Variants in GLT1D1 observed in about 807,000 individuals in gnomAD.
The protein encoded by GLT1D1 is glycosyltransferase 1 domain containing 1.
GLT1D1 carries 21 observed loss-of-function variants against 28.7 expected under a neutral mutation model. The observed-to-expected ratio is 0.73, with a 90% CI of 0.52 to 1.05. GLT1D1 has a LOEUF of 1.05. Ranked by LOEUF, GLT1D1 falls within the 50% of genes least tolerant of loss-of-function variation. The probability of loss-of-function intolerance (pLI) is 0.00; values close to 1 mark genes in which losing one functional copy is unlikely to be tolerated. For missense variants in GLT1D1, 343 were observed against 330.6 expected (o/e 1.04, Z -0.29); for synonymous variants, 147 against 124.8 (o/e 1.18, Z -1.19).
rs368150543 is a variant in GLT1D1, at chr12:128,915,992, G to C, written c.375+16705G>C. On this transcript the variant is annotated intron_variant, in intron 4 of 7. Transcript: ENST00000281703. ...GATAGATAACATTTCCACCACTCAA[G>C]AAAGTTCTCTCATGCCCTCTTCCAT... is the stretch of plus-strand genomic sequence containing the variant. 1.6e-4 allele frequency among the ~76,000 whole-genome samples: 24 copies of C among 150,542 alleles called. No individual in the cohort carries two copies. The East Asian group carries it at 3.3e-3, about 21-fold the overall frequency.
intron 5 of GLT1D1, 55 bp downstream of exon 9, chr12:128,945,424 T>C: frequency 7.3e-7 from 1 of 1,368,588 alleles, no homozygotes; most frequent in Non-Finnish European, 1.0e-6. Flanking sequence ...GAGTGGCCCC[T>C]GGGTTACCTG....
intron 4 of GLT1D1, among the ~76,000 whole-genome samples, chr12:128,901,103 G>T (rs1409318861): frequency 6.6e-6 from 1 of 152,136 alleles, no homozygotes; most frequent in East Asian, 1.9e-4. Flanking sequence ...TTTTCTCATG[G>T]TTTAAAATGC....
chr12:128,859,973 G>A (rs999885018), intron 1 of GLT1D1, among the ~76,000 whole-genome samples: 9 of 152,134 alleles, frequency 5.9e-5, no homozygotes, highest in Non-Finnish European at 7.4e-5. Flanking sequence ...AATTGATGTC[G>A]TATTGTCTGT....
chr12:128,855,244 C>CAACAACAA (rs1278797877), intron 1 of GLT1D1, among the ~76,000 whole-genome samples: 3 of 102,406 alleles, frequency 2.9e-5, no homozygotes, highest in African/African-American at 1.0e-4. Flanking sequence ...AAAAAAAAAA[C>CAACAACAA]AACAACAACA....
chr12:128,971,457 C>T (rs546242547), intron 7 of GLT1D1, among the ~76,000 whole-genome samples: 48 of 113,504 alleles, frequency 4.2e-4, no homozygotes, highest in African/African-American at 1.5e-3. Flanking sequence ...TCTCTCCCTC[C>T]ATCCCTCCCT....
chr12:128,894,900 T>A (rs1468901881), intron 3 of GLT1D1, among the ~76,000 whole-genome samples: 1 of 150,502 alleles, frequency 6.6e-6, no homozygotes, highest in Non-Finnish European at 1.5e-5. Context: ...ATATATAACA[T>A]GGACTCATAG....
At chr12:128,916,525 A>G (rs1186109067) in intron 4 of GLT1D1, among the ~76,000 whole-genome samples, 1 of 152,196 alleles carries the variant, frequency 6.6e-6, no homozygotes, top group Non-Finnish European at 1.5e-5. Flanking sequence ...TGGAGTAGAC[A>G]GTCTTTTCAA....
chr12:128,875,920 T>A lies in GLT1D1; in HGVS notation c.75T>A (p.His25Gln). 6.2e-7 allele frequency: 1 copy of A among 1,613,688 alleles called. No individual in the cohort carries two copies. The highest frequency in any genetic ancestry group is 8.5e-7 in the Non-Finnish European group (1 of 1,179,746). Residue 25 changes from histidine (H) to glutamine (Q), a missense_variant, in exon 2 of 8, where the codon CAT becomes CAA. By Grantham distance (24) the His-to-Gln change is conservative. Coordinates refer to ENST00000281703, the MANE Select transcript of GLT1D1 (RefSeq NM_144669.3). ...TCTGTATTTTTTGATAAAGGGCCCA[T>A]CTAGAGGCTGCAGGGCACGTGTGCG...
intron 7 of GLT1D1, among the ~76,000 whole-genome samples, chr12:128,965,035 C>A (rs2135529398): frequency 6.6e-6 from 1 of 152,322 alleles, no homozygotes; most frequent in Middle Eastern, 3.4e-3. Flanking sequence ...GAGCAGAGTT[C>A]TGAGATGGCC....
intron 4 of GLT1D1, among the ~76,000 whole-genome samples, chr12:128,942,329 C>G (rs988481396): frequency 4.6e-5 from 7 of 152,168 alleles, no homozygotes; most frequent in African/African-American, 1.4e-4. Flanking sequence ...GTACGATTAA[C>G]ATTTAAATAA....
chr12:128,861,276 G>A (rs1956363255), intron 1 of GLT1D1, among the ~76,000 whole-genome samples: 2 of 152,152 alleles, frequency 1.3e-5, no homozygotes, highest in African/African-American at 4.8e-5. Flanking sequence ...CTTCTCAGGG[G>A]CAGAATGGAG....
intron 1 of GLT1D1, among the ~76,000 whole-genome samples, chr12:128,874,835 C>T (rs907224357): frequency 6.6e-6 from 1 of 152,072 alleles, no homozygotes; most frequent in Non-Finnish European, 1.5e-5. Flanking sequence ...TATTGATTTA[C>T]GAATGCTCTT....
chr12:128,935,317 G>A (rs538521243), intron 4 of GLT1D1, among the ~76,000 whole-genome samples: 1 of 152,246 alleles, frequency 6.6e-6, no homozygotes, highest in Admixed American at 6.5e-5. Flanking sequence ...TGAGGTGGGC[G>A]GATCGCTTGA....
At chr12:128,961,416 G>T (rs550547472) in intron 7 of GLT1D1, among the ~76,000 whole-genome samples, 1 of 152,316 alleles carries the variant, frequency 6.6e-6, no homozygotes, top group East Asian at 1.9e-4. Context: ...CAACCTAAGT[G>T]TCCATCAACA....
chr12:128,869,171 G>A (rs965288384), intron 1 of GLT1D1, among the ~76,000 whole-genome samples: 2 of 151,794 alleles, frequency 1.3e-5, no homozygotes, highest in African/African-American at 2.4e-5. Context: ...ACCCAGCCTC[G>A]TTTATTTTTT....
intron 4 of GLT1D1, among the ~76,000 whole-genome samples, chr12:128,938,929 G>A (rs937225014): frequency 6.6e-6 from 1 of 152,186 alleles, no homozygotes; most frequent in Non-Finnish European, 1.5e-5. Flanking sequence ...AGACTTTGCT[G>A]TTGGATGAGC....
intron 7 of GLT1D1, among the ~76,000 whole-genome samples, chr12:128,966,858 C>G (rs1878508237): frequency 6.6e-6 from 1 of 152,122 alleles, no homozygotes; most frequent in South Asian, 2.1e-4. Context: ...ATCTCTATTT[C>G]TATATACCTC....
Position 128,887,706 on chromosome 12 carries a change from G to T in GLT1D1, c.218-933G>T, listed in dbSNP as rs112807741. ...ACCTAGATAGAGAGAAAGAAGATGA[G>T]ATCTGCTAATTTACATGACAAAAAC... On this transcript the variant is annotated intron_variant, in intron 2 of 7. Transcript: ENST00000281703. Among the ~76,000 whole-genome samples the T allele has an allele frequency of 4.6e-3, 693 of 152,208 alleles. 7 individuals carry two copies. The highest frequency in any genetic ancestry group is 0.014 in the African/African-American group (591 of 41,522).
At chr12:128,934,914 G>A (rs1422244006) in intron 4 of GLT1D1, among the ~76,000 whole-genome samples, 1 of 151,836 alleles carries the variant, frequency 6.6e-6, no homozygotes, top group African/African-American at 2.4e-5. Flanking sequence ...CAAGGATGGG[G>A]TCCAGGTCAG....
Sources: gnomAD v4.1 joint callset for allele counts (sites outside exome capture counted in the v4.1 genomes callset) on GRCh38, gnomAD v4.1.1 for gene constraint, MANE v1.5 for transcripts, NCBI Gene and HGNC (gene_info 2026-07-23, HGNC 2026-07-21) for gene names.